Variants in SHTN1 observed in about 807,000 individuals in gnomAD.
SHTN1 encodes shootin-1.
Under a neutral mutation model 83.1 loss-of-function variants are expected in SHTN1, and 42 were observed. That is an observed-to-expected ratio of 0.51 (90% CI 0.39 to 0.65). The LOEUF is 0.65. SHTN1 is among the 30% of genes least tolerant of loss of function. SHTN1 has a pLI of 0.00. For missense variants in SHTN1, 622 were observed against 737.8 expected, an observed-to-expected ratio of 0.84 and a Z score of 1.82; for synonymous variants, 224 against 247.7, an observed-to-expected ratio of 0.90 and a Z score of 0.90.
At chr10:116,901,404 T>C in intron 16 of SHTN1, 3 of 985,370 alleles carry the variant, frequency 3.0e-6, no homozygotes, top group Non-Finnish European at 3.6e-6. Context: ...AGATCTAGTA[T>C]CTTCTTGGGC....
At chr10:117,071,361 G>T in intron 1 of SHTN1, among the ~76,000 whole-genome samples, 1 of 152,130 alleles carries the variant, frequency 6.6e-6, no homozygotes, top group East Asian at 1.9e-4. Context: ...TATAAATGGT[G>T]ATTAGATAGT....
chr10:117,083,624 A>G (rs937667402), intron 1 of SHTN1, among the ~76,000 whole-genome samples: 17 of 150,312 alleles, frequency 1.1e-4, no homozygotes, highest in African/African-American at 4.1e-4. Context: ...AATATCCTGC[A>G]GAGTGTTTTC....
At chr10:116,922,509 A>G (rs530226444) in intron 11 of SHTN1, among the ~76,000 whole-genome samples, 1 of 152,272 alleles carries the variant, frequency 6.6e-6, no homozygotes, top group Non-Finnish European at 1.5e-5. Context: ...CATGAACAAG[A>G]ATGTTCATGA....
chr10:117,077,602 A>G (rs899664339), intron 1 of SHTN1, among the ~76,000 whole-genome samples: 3 of 152,068 alleles, frequency 2.0e-5, no homozygotes, highest in Non-Finnish European at 4.4e-5. Flanking sequence ...AACATTAGGT[A>G]TATCTCCTAA....
intron 3 of SHTN1, among the ~76,000 whole-genome samples, chr10:116,964,628 A>G (rs1029130539): frequency 6.6e-6 from 1 of 152,242 alleles, no homozygotes; most frequent in Non-Finnish European, 1.5e-5. Context: ...AAGTTGGCAT[A>G]TATGTAGGAA....
intron 1 of SHTN1, among the ~76,000 whole-genome samples, chr10:116,986,723 T>C (rs1328285457): frequency 1.5e-5 from 2 of 137,650 alleles, no homozygotes; most frequent in African/African-American, 2.7e-5. Context: ...ATCCTTTTTT[T>C]TTTTTTTTTT....
intron 2 of SHTN1, among the ~76,000 whole-genome samples, chr10:116,972,439 G>A (rs967429180): frequency 2.0e-5 from 3 of 152,174 alleles, no homozygotes; most frequent in Non-Finnish European, 2.9e-5. Context: ...GAGGATGTAC[G>A]CATTTACTAA....
In SHTN1 at chr10:116,886,373, C is replaced by G; in HGVS notation, c.1867G>C (p.Val623Leu). The change falls in exon 17 of 17, where the codon GTG (valine) becomes CTG (leucine). Residue 623 changes from valine to leucine, a missense_variant. Transcript: ENST00000355371. Reference sequence around the variant, plus strand: ...CAGTTGGAGCTGTCTGTCTCTCTCACGTTTTCAATGCTGTCTTCTTTGTTT... The same window carrying G: ...CAGTTGGAGCTGTCTGTCTCTCTCAGGTTTTCAATGCTGTCTTCTTTGTTT... ...PENKEDSIEN[V>L]RETDSSNC 6.4e-7 allele frequency: 1 copy of G among 1,557,356 alleles called. No individual in the cohort carries two copies. Among genetic ancestry groups the G allele is most frequent in the African/African-American group, 1.4e-5 (1 of 73,468 alleles).
At chr10:116,991,046 C>CGCG (rs1429011491) in intron 1 of SHTN1, among the ~76,000 whole-genome samples, 1 of 152,008 alleles carries the variant, frequency 6.6e-6, no homozygotes, top group Non-Finnish European at 1.5e-5. Flanking sequence ...ATTAGCCAGG[C>CGCG]GCGGTGGTGG....
chr10:116,997,818 C>T (rs1266501550), intron 1 of SHTN1, among the ~76,000 whole-genome samples: 1 of 152,134 alleles, frequency 6.6e-6, no homozygotes, highest in Non-Finnish European at 1.5e-5. Flanking sequence ...TAGGGCCAGG[C>T]GCGATGGCTC....
At chr10:116,970,432 T>C (rs1390557982) in intron 2 of SHTN1, among the ~76,000 whole-genome samples, 1 of 152,176 alleles carries the variant, frequency 6.6e-6, no homozygotes, top group African/African-American at 2.4e-5. Flanking sequence ...AACCATCATG[T>C]TGGCCGGGCA....
At chr10:117,122,527 T>A (rs941540119) in intron 1 of SHTN1, among the ~76,000 whole-genome samples, 4 of 152,190 alleles carry the variant, frequency 2.6e-5, no homozygotes, top group Non-Finnish European at 5.9e-5. Context: ...GAAACAGGTA[T>A]ATGAAAAAGT....
intron 1 of SHTN1, among the ~76,000 whole-genome samples, chr10:117,125,185 T>G (rs1473818207): frequency 2.0e-5 from 3 of 152,260 alleles, no homozygotes; most frequent in African/African-American, 7.2e-5. Context: ...CCTCCACAAC[T>G]TAGTATCCCC....
chr10:116,931,114 G>A (rs1589817330), intron 9 of SHTN1, among the ~76,000 whole-genome samples: 2 of 116,982 alleles, frequency 1.7e-5, no homozygotes, highest in African/African-American at 6.7e-5. Flanking sequence ...CACAAATTTA[G>A]TAATAAGTAT....
chr10:116,999,710 C>G (rs962938153), intron 1 of SHTN1, among the ~76,000 whole-genome samples: 6 of 152,098 alleles, frequency 3.9e-5, no homozygotes, highest in African/African-American at 1.2e-4. Flanking sequence ...GTCAGGAGTT[C>G]GAGACCAGCC....
At chr10:116,897,192 G>A (rs1220702775) in intron 16 of SHTN1, among the ~76,000 whole-genome samples, 1 of 152,156 alleles carries the variant, frequency 6.6e-6, no homozygotes, top group East Asian at 1.9e-4. Flanking sequence ...GGGTATGTTG[G>A]CCCCTAAGAG....
At chr10:117,028,653 C>T (rs1181009859) in intron 2 of SHTN1, among the ~76,000 whole-genome samples, 1 of 152,106 alleles carries the variant, frequency 6.6e-6, no homozygotes, top group Non-Finnish European at 1.5e-5. Context: ...ACAACCTGGG[C>T]CACTTCTTTA....
chr10:116,937,543 C>G (rs528362229), intron 9 of SHTN1, among the ~76,000 whole-genome samples: 1 of 152,288 alleles, frequency 6.6e-6, no homozygotes, highest in African/African-American at 2.4e-5. Context: ...CGTTAGTCTG[C>G]TGGGCTTCCC....
intron 1 of SHTN1, among the ~76,000 whole-genome samples, chr10:117,120,414 AT>A (rs1853906029): frequency 6.6e-6 from 1 of 151,716 alleles, no homozygotes; most frequent in East Asian, 1.9e-4. Context: ...CGCCCAGCTA[AT>A]TTTTTTGTAT....
Sources: allele counts gnomAD v4.1 joint callset (sites outside exome capture counted in the v4.1 genomes callset), GRCh38; gene constraint gnomAD v4.1.1; transcripts MANE v1.5; gene names NCBI Gene and HGNC (gene_info 2026-07-23, HGNC 2026-07-21).